P2RY12: variants seen among roughly 807,000 people sequenced by gnomAD.
The protein encoded by P2RY12 is purinergic receptor P2Y12.
A neutral mutation model predicts 4.5 loss-of-function variants in P2RY12; 3 were observed. The ratio of observed to expected loss-of-function variants is 0.67; its 90% confidence interval spans 0.31 to 1.74. The LOEUF is 1.74. P2RY12 is among the 40% of genes most tolerant of loss of function. The pLI is 0.09. For missense variants in P2RY12, 356 were observed against 407.8 expected (o/e 0.87, Z 1.09); for synonymous variants, 148 against 154.1 (o/e 0.96, Z 0.29).
intron 1 of P2RY12, among the ~76,000 whole-genome samples, chr3:151,366,457 G>A (rs1308926600): frequency 2.0e-5 from 3 of 152,196 alleles, no homozygotes; most frequent in East Asian, 1.9e-4. Context: ...TCTAGATTCC[G>A]AGGATGTCCG....
At chr3:151,367,389 G>GT (rs961567122) in intron 1 of P2RY12, among the ~76,000 whole-genome samples, 3 of 152,104 alleles carry the variant, frequency 2.0e-5, no homozygotes, top group Non-Finnish European at 4.4e-5. Context: ...TTGTTGTTGT[G>GT]TTTTTCATTT....
At chr3:151,373,341 A>G (rs1228173002) in intron 1 of P2RY12, among the ~76,000 whole-genome samples, 2 of 152,146 alleles carry the variant, frequency 1.3e-5, no homozygotes, top group Admixed American at 6.5e-5. Context: ...GGTGATGTTA[A>G]TTTTGATTAA....
intron 1 of P2RY12, among the ~76,000 whole-genome samples, chr3:151,359,448 G>A (rs937565518): frequency 1.3e-5 from 2 of 152,134 alleles, no homozygotes; most frequent in African/African-American, 4.8e-5. Flanking sequence ...TCCTCAAGAA[G>A]TCTCCTTGGT....
intron 1 of P2RY12, among the ~76,000 whole-genome samples, chr3:151,374,913 T>G (rs140342323): frequency 6.6e-6 from 1 of 152,236 alleles, no homozygotes; most frequent in Non-Finnish European, 1.5e-5. Flanking sequence ...CTCCCATATA[T>G]TTGTTTTAAA....
chr3:151,346,503 ACTT>A (rs950157936), intron 1 of P2RY12, among the ~76,000 whole-genome samples: 2 of 152,018 alleles, frequency 1.3e-5, no homozygotes, highest in African/African-American at 2.4e-5. Context: ...ACTTAGAGAA[ACTT>A]CTTCTCCTTT....
Position 151,338,673 on chromosome 3 carries a change from T to C in P2RY12, c.173A>G (p.Asn58Ser). The C allele has an allele frequency of 1.2e-6, 2 of 1,613,724 alleles. No homozygotes were observed. The highest frequency in any genetic ancestry group is 1.7e-6 in the Non-Finnish European group (2 of 1,179,894). The part of the protein sequence containing the change: ...RIFFQIRSKS[N>S]FIIFLKNTVI... ...TGTGTTCTTAAGAAAAATAATAAAG[T>C]TTGATTTACTCCGGATTTGAAAGAA... Residue 58 changes from asparagine to serine, a missense_variant, in exon 3 of 3, where the codon AAC becomes AGC. Asn to Ser is a conservative substitution (Grantham distance 46, BLOSUM62 1). Transcript: ENST00000302632.
chr3:151,355,045 A>T (rs1753738483), intron 1 of P2RY12: 10 of 1,018,388 alleles, frequency 9.8e-6, no homozygotes, highest in African/African-American at 1.6e-5. Flanking sequence ...GCTATACTTT[A>T]AAAAAAAGTA....
chr3:151,349,002 G>C (rs1181106567), intron 1 of P2RY12, among the ~76,000 whole-genome samples: 1 of 152,236 alleles, frequency 6.6e-6, no homozygotes. Flanking sequence ...GATGCTGTTG[G>C]GAAGGGTAAG....
Position 151,364,850 on chromosome 3 carries a change from A to T in P2RY12, c.-180+19842T>A, listed in dbSNP as rs143600851. The T allele has an allele frequency of 2.3e-4, 154 of 658,490 alleles. 1 individual carries two copies. In the African/African-American group the frequency reaches 2.6e-3, roughly 11 times the overall value. The allele number at this position is 658,490 out of a possible 1,614,324, so 40.8% of individuals were successfully genotyped here. On this transcript the variant is annotated intron_variant, in intron 1 of 2. Transcript: ENST00000302632. ...CAATTAGTAAGAAGTTCTAATTAAG[A>T]ACTCATAATGTGAATCTTCTCTAGG...
intron 2 of P2RY12, among the ~76,000 whole-genome samples, chr3:151,340,109 C>T (rs1274729213): frequency 1.1e-4 from 16 of 152,112 alleles, no homozygotes. Context: ...AGCATCTCCT[C>T]ACCTATTTAG....
intron 1 of P2RY12, among the ~76,000 whole-genome samples, chr3:151,363,264 A>G (rs952093459): frequency 6.6e-6 from 1 of 152,174 alleles, no homozygotes; most frequent in Admixed American, 6.6e-5. Flanking sequence ...TCAGAGACCT[A>G]TTTGTAGTTT....
intron 1 of P2RY12, among the ~76,000 whole-genome samples, chr3:151,351,110 A>G (rs905008689): frequency 1.7e-4 from 26 of 152,308 alleles, no homozygotes; most frequent in African/African-American, 5.8e-4. Flanking sequence ...TCTGTAGTAC[A>G]TATACTTTTT....
At chr3:151,360,452 C>T in intron 1 of P2RY12, 1 of 1,606,054 alleles carries the variant, frequency 6.2e-7, no homozygotes, top group South Asian at 1.1e-5. Context: ...TGTCTTATTT[C>T]TTCGTATATT....
chr3:151,369,612 T>A, intron 1 of P2RY12: 2 of 1,099,860 alleles, frequency 1.8e-6, no homozygotes, highest in Non-Finnish European at 2.7e-6. Context: ...AAATAATTTA[T>A]TTTCAGGTTT....
At chr3:151,364,563 G>C (rs922200371) in intron 1 of P2RY12, among the ~76,000 whole-genome samples, 1 of 152,124 alleles carries the variant, frequency 6.6e-6, no homozygotes, top group Non-Finnish European at 1.5e-5. Flanking sequence ...AAATAGTTTT[G>C]TAAGATATGT....
chr3:151,372,973 A>C (rs894491490), intron 1 of P2RY12, among the ~76,000 whole-genome samples: 1 of 152,088 alleles, frequency 6.6e-6, no homozygotes, highest in East Asian at 1.9e-4. Flanking sequence ...TAATTTTTAC[A>C]TTTTGCTACA....
At chr3:151,383,157 A>G (rs949948791) in intron 1 of P2RY12, among the ~76,000 whole-genome samples, 1 of 152,234 alleles carries the variant, frequency 6.6e-6, no homozygotes, top group African/African-American at 2.4e-5. Flanking sequence ...TCCCACAGAG[A>G]AGTTTTATAG....
chr3:151,337,591 G>A lies in P2RY12; in HGVS notation c.*226C>T, dbSNP rs1345433364. On this transcript the variant is annotated 3_prime_UTR_variant, in exon 3 of 3. Transcript: ENST00000302632. ...GCATGCAGCATGACAATTGGATGTC[G>A]TTTGTTTTGCTGCTAATACAGCTAC... 20 of 508,470 alleles carry A rather than the reference G, an allele frequency of 3.9e-5. No homozygotes were observed. Among genetic ancestry groups the A allele is most frequent in the East Asian group, 2.0e-4 (6 of 29,792 alleles). The allele number at this position is 508,470 out of a possible 1,614,324, so 31.5% of individuals were successfully genotyped here.
chr3:151,365,729 C>A, intron 1 of P2RY12: 1 of 871,722 alleles, frequency 1.1e-6, no homozygotes, highest in South Asian at 2.3e-5. Context: ...AGTATTTTAT[C>A]TGTGAATCTA....
Sources: allele counts gnomAD v4.1 joint callset (sites outside exome capture counted in the v4.1 genomes callset), GRCh38; gene constraint gnomAD v4.1.1; transcripts MANE v1.5; gene names NCBI Gene and HGNC (gene_info 2026-07-23, HGNC 2026-07-21).